PDXDC1: variants seen among roughly 807,000 people sequenced by gnomAD.
The protein encoded by PDXDC1 is pyridoxal-dependent decarboxylase domain-containing protein 1.
A neutral mutation model predicts 100.1 loss-of-function variants in PDXDC1; 42 were observed. The ratio of observed to expected loss-of-function variants is 0.42; its 90% confidence interval spans 0.33 to 0.54. PDXDC1 has a LOEUF of 0.54. Among genes scored for constraint, PDXDC1 ranks in the 20% least tolerant of loss-of-function variants. The probability of loss-of-function intolerance (pLI) is 0.10; values close to 1 mark genes in which losing one functional copy is unlikely to be tolerated. For missense variants in PDXDC1, 636 were observed against 979.2 expected (o/e 0.65, Z 4.68); for synonymous variants, 260 against 371.7 (o/e 0.70, Z 3.46).
chr16:15,002,167 G>T (rs1202804444), intron 4 of PDXDC1, among the ~76,000 whole-genome samples: 1 of 152,290 alleles, frequency 6.6e-6, no homozygotes, highest in Non-Finnish European at 1.5e-5. Context: ...TGCTGTAGTT[G>T]TATTCATTAG....
chr16:15,109,800 G>T lies in PDXDC1; in HGVS notation c.1400-29079G>T, dbSNP rs1272893987. Among the ~76,000 whole-genome samples the T allele has an allele frequency of 6.9e-3, 937 of 136,666 alleles. 11 individuals carry two copies. Among genetic ancestry groups the T allele is most frequent in the African/African-American group, 0.023 (863 of 37,528 alleles). 89.7% of individuals were successfully genotyped at this position (136,666 alleles called of 152,430 possible). On this transcript the variant is annotated intron_variant, in intron 16 of 16. Coordinates refer to the PDXDC1 transcript ENST00000535621. ...GGAGGCAGAGGTTGCAGTGAGCCAAGATTGCACCACAGCACTCCAGCCTGG... is the reference window on the plus strand; with the variant it reads ...GGAGGCAGAGGTTGCAGTGAGCCAATATTGCACCACAGCACTCCAGCCTGG...
intron 16 of PDXDC1, among the ~76,000 whole-genome samples, chr16:15,111,433 G>A (rs1186298567): frequency 8.3e-6 from 1 of 120,618 alleles, no homozygotes; most frequent in Non-Finnish European, 1.7e-5. Flanking sequence ...TCCAACCTGG[G>A]CAACAAAATT....
chr16:15,024,847 C>T (rs1356566704), intron 13 of PDXDC1, among the ~76,000 whole-genome samples: 4 of 152,422 alleles, frequency 2.6e-5, no homozygotes, highest in African/African-American at 4.8e-5. Flanking sequence ...CCCCCTGGGT[C>T]GTCTTCATCA....
chr16:15,143,211 C>T (rs2048502054), downstream of PDXDC1, among the ~76,000 whole-genome samples: 1 of 152,116 alleles, frequency 6.6e-6, no homozygotes, highest in Admixed American at 6.5e-5. Flanking sequence ...GGCTCCTTAG[C>T]GGCTGCTGGG....
At chr16:15,127,847 A>T (rs545460151) in intron 16 of PDXDC1, 2 of 1,564,862 alleles carry the variant, frequency 1.3e-6, no homozygotes, top group Non-Finnish European at 1.7e-6. Flanking sequence ...AAGAAGCCGC[A>T]CTGCAGCTCA....
At chr16:14,979,741 T>C (rs1266050243) in intron 1 of PDXDC1, among the ~76,000 whole-genome samples, 1 of 152,296 alleles carries the variant, frequency 6.6e-6, no homozygotes, top group Non-Finnish European at 1.5e-5. Flanking sequence ...TTTTAGAAAA[T>C]TCTTTGTCAC....
At chr16:15,021,511 G>C (rs1230491996) in intron 12 of PDXDC1, among the ~76,000 whole-genome samples, 1 of 152,288 alleles carries the variant, frequency 6.6e-6, no homozygotes, top group Non-Finnish European at 1.5e-5. Flanking sequence ...AGAAGCCTTA[G>C]TAACTTAGTT....
chr16:15,043,630 T>A (rs568665727), intron 16 of PDXDC1, among the ~76,000 whole-genome samples: 1 of 152,226 alleles, frequency 6.6e-6, no homozygotes, highest in African/African-American at 2.4e-5. Context: ...CACGACAATG[T>A]TTTCTTTCTT....
At chr16:14,990,221 C>T (rs1597334308) in intron 1 of PDXDC1, 12 of 959,408 alleles carry the variant, frequency 1.3e-5, no homozygotes, top group East Asian at 8.8e-5. Context: ...CCCAGCCCAC[C>T]GGCCCGGCCG....
At chr16:15,143,157 G>A (rs535002676), downstream of PDXDC1, among the ~76,000 whole-genome samples, 3 of 152,310 alleles carry the variant, frequency 2.0e-5, no homozygotes, top group Non-Finnish European at 4.4e-5. Flanking sequence ...CGTCCGATCT[G>A]GAAGGCAGGA....
At chr16:15,000,808 C>A (rs1050484827) in intron 3 of PDXDC1, among the ~76,000 whole-genome samples, 1 of 151,630 alleles carries the variant, frequency 6.6e-6, no homozygotes, top group South Asian at 2.1e-4. Context: ...CGGACAAGAT[C>A]CCTATGGAGG....
chr16:15,034,285 GCTT>G lies in PDXDC1; in HGVS notation c.1815_1817del (p.Leu606del), dbSNP rs2151651280. ...TAATGTCTTTCTTGGTCTTGCCACA[GCTT>G]CTGGAAAACATGACAGAAGTGGTTC... On this transcript the variant is annotated inframe_deletion and splice_region_variant, in exon 20 of 23. Transcript: ENST00000396410. 6.2e-7 allele frequency: 1 copy of G among 1,612,904 alleles called. No individual in the cohort carries two copies. The highest frequency in any genetic ancestry group is 8.5e-7 in the Non-Finnish European group (1 of 1,179,742).
chr16:14,975,109 A>G lies in PDXDC1; in HGVS notation c.-91A>G, dbSNP rs545162549. The G allele has an allele frequency of 6.8e-7, 1 of 1,467,680 alleles. No homozygotes were observed. Among genetic ancestry groups the G allele is most frequent in the East Asian group, 2.6e-5 (1 of 38,808 alleles). 90.9% of individuals were successfully genotyped at this position (1,467,680 alleles called of 1,614,324 possible). On this transcript the variant is annotated 5_prime_UTR_variant, in exon 1 of 23. Coordinates refer to ENST00000396410, the MANE Select transcript of PDXDC1 (RefSeq NM_015027.4). ...GCCCCGCCGGCCGCGGGCGCGGGGG[A>G]CGTCAGCGCTGCCAGCGTGGAAGGA... is the stretch of plus-strand genomic sequence containing the variant.
intron 16 of PDXDC1, among the ~76,000 whole-genome samples, chr16:15,105,149 C>A (rs75425276): frequency 9.2e-6 from 1 of 109,288 alleles, no homozygotes; most frequent in African/African-American, 3.1e-5. Context: ...ACCAGGTCAA[C>A]AGACAGTAAG....
At position 14,975,115 on chromosome 16, in the gene PDXDC1, G is replaced by T; in HGVS notation, c.-85G>T. On this transcript the variant is annotated 5_prime_UTR_variant, in exon 1 of 23. Transcript: ENST00000396410. ...CCGGCCGCGGGCGCGGGGGACGTCAGCGCTGCCAGCGTGGAAGGAGCTGCG... is the reference window on the plus strand; with the variant it reads ...CCGGCCGCGGGCGCGGGGGACGTCATCGCTGCCAGCGTGGAAGGAGCTGCG... The T allele has an allele frequency of 1.4e-6, 2 of 1,470,584 alleles. No homozygotes were observed. The highest frequency in any genetic ancestry group is 1.8e-6 in the Non-Finnish European group (2 of 1,121,552). The allele number at this position is 1,470,584 out of a possible 1,614,324, so 91.1% of individuals were successfully genotyped here.
intron 16 of PDXDC1, among the ~76,000 whole-genome samples, chr16:15,064,178 T>C (rs2044851221): frequency 6.6e-6 from 1 of 152,090 alleles, no homozygotes; most frequent in Non-Finnish European, 1.5e-5. Flanking sequence ...TTGTTTTTTT[T>C]TTGTTTTGTT....
chr16:15,030,825 C>G (rs1037646292), intron 16 of PDXDC1, among the ~76,000 whole-genome samples: 3 of 152,052 alleles, frequency 2.0e-5, no homozygotes, highest in African/African-American at 7.2e-5. Context: ...TGTCTTGTGA[C>G]TCTCGATTTT....
intron 16 of PDXDC1, chr16:15,076,743 C>G (rs2045473030): frequency 1.2e-6 from 1 of 859,670 alleles, no homozygotes; most frequent in African/African-American, 1.7e-5. Context: ...TACGCATGTT[C>G]AAGGTGTCCA....
intron 16 of PDXDC1, among the ~76,000 whole-genome samples, chr16:15,124,738 C>T (rs1294798674): frequency 1.3e-5 from 2 of 152,006 alleles, no homozygotes; most frequent in African/African-American, 4.8e-5. Context: ...CACCACTGCA[C>T]TCCAGCCTAG....
Sources: gnomAD v4.1 joint callset for allele counts (sites outside exome capture counted in the v4.1 genomes callset) on GRCh38, gnomAD v4.1.1 for gene constraint, MANE v1.5 for transcripts, NCBI Gene and HGNC (gene_info 2026-07-23, HGNC 2026-07-21) for gene names.